Variants in REC114 observed in about 807,000 individuals in gnomAD.
REC114 encodes the protein REC114 meiotic recombination protein.
A neutral mutation model predicts 31.3 loss-of-function variants in REC114; 27 were observed. The ratio of observed to expected loss-of-function variants is 0.86; its 90% CI spans 0.64 to 1.19. The LOEUF (loss-of-function observed/expected upper bound fraction) is 1.19, where lower values mean the gene tolerates loss of function less well. REC114 is among the 50% of genes most tolerant of loss of function. The pLI, the probability that REC114 is intolerant of heterozygous loss-of-function variation, is 0.00. For synonymous variants in REC114, 134 were observed against 127.7 expected (o/e 1.05, Z -0.33); for missense variants, 344 against 326.9 (o/e 1.05, Z -0.40).
intron 1 of REC114, among the ~76,000 whole-genome samples, chr15:73,472,091 C>T (rs1442601435): frequency 3.9e-5 from 6 of 152,142 alleles, no homozygotes; most frequent in Non-Finnish European, 8.8e-5. Flanking sequence ...ACTTATATTT[C>T]GGATGCTTTT....
intron 1 of REC114, among the ~76,000 whole-genome samples, chr15:73,458,397 C>G (rs1892946154): frequency 6.6e-6 from 1 of 152,174 alleles, no homozygotes; most frequent in African/African-American, 2.4e-5. Context: ...CCGACACTTA[C>G]TGCATTAGTT....
intron 1 of REC114, among the ~76,000 whole-genome samples, chr15:73,453,785 A>G (rs1892882563): frequency 6.6e-6 from 1 of 152,210 alleles, no homozygotes; most frequent in African/African-American, 2.4e-5. Flanking sequence ...AATACTATGC[A>G]GCCATAAAAA....
chr15:73,486,219 T>A (rs1893362253), intron 2 of REC114, among the ~76,000 whole-genome samples: 1 of 152,144 alleles, frequency 6.6e-6, no homozygotes, highest in Admixed American at 6.5e-5. Context: ...TGCCTCAGCC[T>A]CCTGAGTAGC....
intron 1 of REC114, among the ~76,000 whole-genome samples, chr15:73,450,039 C>CA (rs1892821566): frequency 6.6e-6 from 1 of 152,152 alleles, no homozygotes; most frequent in Non-Finnish European, 1.5e-5. Context: ...AAAAACATAC[C>CA]AAATTGTAAA....
At chr15:73,505,070 G>A (rs916225409) in intron 2 of REC114, among the ~76,000 whole-genome samples, 2 of 151,696 alleles carry the variant, frequency 1.3e-5, no homozygotes, top group African/African-American at 4.8e-5. Flanking sequence ...TGGGAAACAT[G>A]TACATGTTTC....
chr15:73,508,916 T>G (rs1893722924), intron 2 of REC114, among the ~76,000 whole-genome samples: 1 of 151,086 alleles, frequency 6.6e-6, no homozygotes, highest in Non-Finnish European at 1.5e-5. Context: ...CGTGTGCATG[T>G]GTCTTTATAG....
intron 1 of REC114, among the ~76,000 whole-genome samples, chr15:73,445,844 A>G (rs1211849151): frequency 1.3e-5 from 2 of 152,176 alleles, no homozygotes; most frequent in African/African-American, 2.4e-5. Flanking sequence ...TCACCATCAT[A>G]TATAATAATA....
In REC114 at chr15:73,514,410, C is replaced by T. The variant is rs962919108; in HGVS notation, c.250-26075C>T. On this transcript the variant is annotated intron_variant, in intron 2 of 5. Transcript: ENST00000331090. ...TGCAGAAATCACCCGTCTTCTGCGT[C>T]GCTCACGCTGGGAGCTGTAGACCGG... is the stretch of plus-strand genomic sequence containing the variant. Among the ~76,000 whole-genome samples, 6 of 152,104 alleles carry T rather than the reference C, an allele frequency of 3.9e-5. No homozygotes were observed. In the East Asian group the frequency reaches 5.8e-4, roughly 15 times the overall value.
chr15:73,502,402 C>T (rs1035147042), intron 2 of REC114, among the ~76,000 whole-genome samples: 5 of 152,058 alleles, frequency 3.3e-5, no homozygotes, highest in African/African-American at 4.8e-5. Context: ...CTCACTGAAA[C>T]GTAACTAATA....
intron 2 of REC114, among the ~76,000 whole-genome samples, chr15:73,499,290 G>A (rs993736482): frequency 6.6e-6 from 1 of 151,966 alleles, no homozygotes; most frequent in Non-Finnish European, 1.5e-5. Flanking sequence ...GAGGAGGCAA[G>A]TATTATGGAA....
At chr15:73,496,728 A>G (rs1893533597) in intron 2 of REC114, among the ~76,000 whole-genome samples, 1 of 152,162 alleles carries the variant, frequency 6.6e-6, no homozygotes, top group Admixed American at 6.6e-5. Context: ...CCAAATGTTA[A>G]CATTTAGCAT....
chr15:73,519,481 C>T lies in REC114; in HGVS notation c.250-21004C>T, dbSNP rs560669971. On this transcript the variant is annotated intron_variant, in intron 2 of 5. Coordinates refer to ENST00000331090, the MANE Select transcript of REC114 (RefSeq NM_001042367.2). ...TTATAGCAGCTAGAATGGACTAAGACAGTTGGCAAGGATGTAAAGAAACTG... is the reference window on the plus strand; with the variant it reads ...TTATAGCAGCTAGAATGGACTAAGATAGTTGGCAAGGATGTAAAGAAACTG... Among the ~76,000 whole-genome samples the T allele has an allele frequency of 1.2e-4, 19 of 152,284 alleles. No individual in the cohort carries two copies. In the South Asian group the frequency reaches 3.9e-3, roughly 32 times the overall value.
At position 73,462,639 on chromosome 15, in the gene REC114, A is replaced by G. The variant is rs189504183; in HGVS notation, c.160-11193A>G. On this transcript the variant is annotated intron_variant, in intron 1 of 5. Transcript: ENST00000331090. The stretch of plus-strand genomic sequence containing the variant: ...GGTGGCTCACGCCTGTAATCCCAGC[A>G]CTTTGGGAGGCCGAGGCAGGCGGAT... Among the ~76,000 whole-genome samples, 549 of 152,256 alleles carry G rather than the reference A, an allele frequency of 3.6e-3. 2 individuals carry two copies. The highest frequency in any genetic ancestry group is 0.013 in the African/African-American group (526 of 41,542).
chr15:73,443,572 T>A (rs1892727046), intron 1 of REC114, among the ~76,000 whole-genome samples: 2 of 152,060 alleles, frequency 1.3e-5, no homozygotes, highest in African/African-American at 4.8e-5. Flanking sequence ...TGCAAGGGAG[T>A]AGTAAACATT....
rs373443142 is a variant in REC114, at chr15:73,556,362, G to A, written c.607G>A (p.Gly203Arg). 108 of 1,613,586 alleles carry A rather than the reference G, an allele frequency of 6.7e-5. No homozygotes were observed. The African/African-American group carries it at 1.3e-3, about 19-fold the overall frequency. The change falls in exon 5 of 6, where the codon GGA (glycine) becomes AGA (arginine). Residue 203 changes from glycine to arginine, a missense_variant. Physicochemically the swap from Gly to Arg is moderately radical, Grantham distance 125. Transcript: ENST00000331090. ...CVTAGTGAPDGRTSLTQLAQT... is the reference protein window; with the variant it reads ...CVTAGTGAPDRRTSLTQLAQT... The stretch of plus-strand genomic sequence containing the variant: ...AACAGCGGGCACAGGCGCTCCAGAC[G>A]GAAGGACCTCACTGACGCAGTTAGC...
chr15:73,544,870 C>A (rs1163734826), intron 3 of REC114, among the ~76,000 whole-genome samples: 2 of 152,204 alleles, frequency 1.3e-5, no homozygotes, highest in Non-Finnish European at 2.9e-5. Context: ...AAATTTCTTA[C>A]CAACCTGGGT....
At chr15:73,460,879 ATTC>A (rs1354971209) in intron 1 of REC114, among the ~76,000 whole-genome samples, 1 of 152,028 alleles carries the variant, frequency 6.6e-6, no homozygotes, top group Non-Finnish European at 1.5e-5. Flanking sequence ...GCTACTGATA[ATTC>A]TTCTGTTACA....
At chr15:73,518,446 C>T (rs1178712817) in intron 2 of REC114, among the ~76,000 whole-genome samples, 1 of 152,218 alleles carries the variant, frequency 6.6e-6, no homozygotes, top group Non-Finnish European at 1.5e-5. Flanking sequence ...CAATAAATAA[C>T]CCTAATGGAA....
chr15:73,539,788 T>C (rs1223701819), intron 2 of REC114, among the ~76,000 whole-genome samples: 1 of 152,126 alleles, frequency 6.6e-6, no homozygotes, highest in Admixed American at 6.6e-5. Flanking sequence ...CTCAATGGGT[T>C]GCTTAACTGA....
Sources: gnomAD v4.1 joint callset for allele counts (sites outside exome capture counted in the v4.1 genomes callset) on GRCh38, gnomAD v4.1.1 for gene constraint, MANE v1.5 for transcripts, NCBI Gene and HGNC (gene_info 2026-07-23, HGNC 2026-07-21) for gene names.